Variants in LIN52 observed in about 807,000 individuals in gnomAD.
LIN52 encodes the protein lin-52 DREAM MuvB core complex component.
A neutral mutation model predicts 18.5 loss-of-function variants in LIN52; 4 were observed. The ratio of observed to expected loss-of-function variants is 0.22; its 90% confidence interval spans 0.11 to 0.49. LIN52 has a LOEUF of 0.49. Among genes scored for constraint, LIN52 ranks in the 20% least tolerant of loss-of-function variants. LIN52 has a pLI of 0.97. For synonymous variants in LIN52, 34 were observed against 45.5 expected, an observed-to-expected ratio of 0.75 and a Z score of 1.02; for missense variants, 102 against 139.5, an observed-to-expected ratio of 0.73 and a Z score of 1.35.
chr14:74,099,386 A>C (rs2060838295), intron 4 of LIN52, among the ~76,000 whole-genome samples: 1 of 152,194 alleles, frequency 6.6e-6, no homozygotes, highest in African/African-American at 2.4e-5. Context: ...TCTCAAGGGC[A>C]TCTCAGGTTC....
rs139421802 is a variant in LIN52, at chr14:74,096,259, C to G, written c.132+274C>G. Among the ~76,000 whole-genome samples, 715 of 152,150 alleles carry G rather than the reference C, an allele frequency of 4.7e-3. 2 individuals carry two copies. Among genetic ancestry groups the G allele is most frequent in the African/African-American group, 0.015 (604 of 41,514 alleles). On this transcript the variant is annotated intron_variant, in intron 3 of 5. Coordinates refer to ENST00000555028, the MANE Select transcript of LIN52 (RefSeq NM_001024674.3). The stretch of plus-strand genomic sequence containing the variant: ...TATTTTTAGTAGAGACGGGGTTCAC[C>G]ATCTTGGTCAGGCTGGTCTCAAACT...
At chr14:74,098,847 G>A (rs886787213) in intron 4 of LIN52, among the ~76,000 whole-genome samples, 3 of 152,068 alleles carry the variant, frequency 2.0e-5, no homozygotes, top group East Asian at 1.9e-4. Flanking sequence ...CACGCCCCGC[G>A]TAAACTCTGC....
At chr14:74,143,988 AT>A (rs1399361874) in intron 5 of LIN52, among the ~76,000 whole-genome samples, 8 of 146,274 alleles carry the variant, frequency 5.5e-5, no homozygotes, top group South Asian at 2.2e-4. Context: ...TATGATCTCA[AT>A]TTTTTTTTTT....
At chr14:74,090,551 G>C (rs897033021) in intron 1 of LIN52, among the ~76,000 whole-genome samples, 2 of 150,834 alleles carry the variant, frequency 1.3e-5, no homozygotes, top group Non-Finnish European at 2.9e-5. Context: ...TGGCCAGGCT[G>C]GTCTCAAACT....
chr14:74,093,307 C>CTT (rs2060785546), intron 2 of LIN52, among the ~76,000 whole-genome samples: 1 of 148,946 alleles, frequency 6.7e-6, no homozygotes, highest in Non-Finnish European at 1.5e-5. Flanking sequence ...GTTTTCTCAC[C>CTT]TTTTTCAATC....
At chr14:74,102,739 T>C (rs1338063292) in intron 5 of LIN52, among the ~76,000 whole-genome samples, 1 of 152,256 alleles carries the variant, frequency 6.6e-6, no homozygotes, top group Non-Finnish European at 1.5e-5. Context: ...ATGTTTGTTA[T>C]ATCAAGAAGA....
At chr14:74,094,778 A>G (rs2060796436) in intron 2 of LIN52, among the ~76,000 whole-genome samples, 1 of 149,228 alleles carries the variant, frequency 6.7e-6, no homozygotes, top group Non-Finnish European at 1.5e-5. Flanking sequence ...CCCAGGTTGG[A>G]GTGCAATGGC....
chr14:74,131,473 C>T (rs1470141262), intron 5 of LIN52, among the ~76,000 whole-genome samples: 1 of 151,950 alleles, frequency 6.6e-6, no homozygotes. Flanking sequence ...CGCCTGCCAC[C>T]ACGACTGGCT....
intron 5 of LIN52, among the ~76,000 whole-genome samples, chr14:74,179,953 T>C (rs1013682666): frequency 6.6e-6 from 1 of 152,220 alleles, no homozygotes; most frequent in Non-Finnish European, 1.5e-5. Context: ...ATGGATCCTG[T>C]GCTCAAGCTC....
At chr14:74,099,758 CA>C (rs1227261489) in intron 4 of LIN52, among the ~76,000 whole-genome samples, 1 of 151,966 alleles carries the variant, frequency 6.6e-6, no homozygotes, top group Non-Finnish European at 1.5e-5. Context: ...CACAGGGAGT[CA>C]AAGCTGTCCT....
At chr14:74,114,552 A>G in intron 5 of LIN52, 1 of 458,340 alleles carries the variant, frequency 2.2e-6, no homozygotes, top group Non-Finnish European at 2.9e-6. Flanking sequence ...GTTTTAGCCT[A>G]ATTAATGACA....
intron 5 of LIN52, among the ~76,000 whole-genome samples, chr14:74,142,307 T>G (rs2061134901): frequency 6.6e-6 from 1 of 152,222 alleles, no homozygotes; most frequent in South Asian, 2.1e-4. Flanking sequence ...AAACTAGTTT[T>G]GTTTCAGACT....
chr14:74,147,681 C>T (rs2061157996), intron 5 of LIN52, among the ~76,000 whole-genome samples: 1 of 152,176 alleles, frequency 6.6e-6, no homozygotes, highest in Non-Finnish European at 1.5e-5. Flanking sequence ...GAAGGAAAAT[C>T]TGACACACAA....
chr14:74,165,459 A>G (rs1247053191), intron 5 of LIN52, among the ~76,000 whole-genome samples: 2 of 150,448 alleles, frequency 1.3e-5, no homozygotes, highest in African/African-American at 4.9e-5. Context: ...AGCTAAACAG[A>G]GTGAAAGTGA....
intron 5 of LIN52, among the ~76,000 whole-genome samples, chr14:74,113,066 G>T (rs1234943601): frequency 2.0e-5 from 3 of 152,144 alleles, no homozygotes; most frequent in Non-Finnish European, 4.4e-5. Context: ...CAAGGGAAAT[G>T]AGTATGGTAA....
At chr14:74,096,466 T>C (rs1460027322) in intron 3 of LIN52, among the ~76,000 whole-genome samples, 1 of 152,076 alleles carries the variant, frequency 6.6e-6, no homozygotes, top group Non-Finnish European at 1.5e-5. Flanking sequence ...GCATTAGGAT[T>C]ACAGGTGTGA....
intron 5 of LIN52, among the ~76,000 whole-genome samples, chr14:74,173,308 C>T (rs1049077306): frequency 9.9e-5 from 15 of 152,148 alleles, no homozygotes; most frequent in African/African-American, 3.4e-4. Flanking sequence ...CTGCCTCAGC[C>T]CCCTGAATAG....
chr14:74,100,891 G>A (rs1219252864), intron 4 of LIN52, among the ~76,000 whole-genome samples: 3 of 152,176 alleles, frequency 2.0e-5, no homozygotes, highest in African/African-American at 7.2e-5. Flanking sequence ...CTGAAGGCAT[G>A]TGCTACCATG....
chr14:74,155,325 A>G (rs1005090296), intron 5 of LIN52, among the ~76,000 whole-genome samples: 1 of 152,282 alleles, frequency 6.6e-6, no homozygotes, highest in Non-Finnish European at 1.5e-5. Context: ...TAGCTGTTTA[A>G]TAAATGAATT....
Sources: gnomAD v4.1 joint callset for allele counts (sites outside exome capture counted in the v4.1 genomes callset) on GRCh38, gnomAD v4.1.1 for gene constraint, MANE v1.5 for transcripts, NCBI Gene and HGNC (gene_info 2026-07-23, HGNC 2026-07-21) for gene names.